Variants in SCLT1 observed in about 807,000 individuals in gnomAD.
SCLT1 encodes sodium channel-associated protein 1.
In SCLT1, 78 loss-of-function variants were observed where a neutral mutation model predicts 112.8. That is an observed-to-expected ratio of 0.69 (90% CI 0.58 to 0.83). The LOEUF is 0.83. SCLT1 is among the 40% of genes least tolerant of loss of function. The pLI is 0.00. For missense variants in SCLT1, 747 were observed against 770.4 expected (o/e 0.97, Z 0.36); for synonymous variants, 257 against 254.7 (o/e 1.01, Z -0.09).
intron 2 of SCLT1, among the ~76,000 whole-genome samples, chr4:129,081,856 C>A (rs922484879): frequency 3.9e-5 from 6 of 152,186 alleles, no homozygotes; most frequent in Admixed American, 1.3e-4. Flanking sequence ...TTCTGTAATG[C>A]AAGGTCCACC....
intron 9 of SCLT1, among the ~76,000 whole-genome samples, chr4:128,982,602 A>C (rs1264351592): frequency 6.6e-6 from 1 of 151,888 alleles, no homozygotes; most frequent in Non-Finnish European, 1.5e-5. Flanking sequence ...CCTGGGTTCA[A>C]GCAATTCTCC....
chr4:128,880,634 C>T (rs1436830478), downstream of SCLT1, among the ~76,000 whole-genome samples: 2 of 152,138 alleles, frequency 1.3e-5, no homozygotes, highest in Non-Finnish European at 2.9e-5. Flanking sequence ...CAATATCTGT[C>T]CAACAGTGTG....
At chr4:128,904,829 G>A (rs1734571315) in intron 18 of SCLT1, among the ~76,000 whole-genome samples, 1 of 152,110 alleles carries the variant, frequency 6.6e-6, no homozygotes, top group Non-Finnish European at 1.5e-5. Context: ...AGACCTGACT[G>A]CTAAAAAAGA....
chr4:128,972,068 A>G (rs1459186713), intron 9 of SCLT1: 3 of 152,078 alleles, frequency 2.0e-5, no homozygotes, highest in Non-Finnish European at 4.4e-5. Context: ...TTCATTTGCA[A>G]AATGATTCCC....
downstream of SCLT1, among the ~76,000 whole-genome samples, chr4:128,881,364 A>C (rs1203840045): frequency 6.6e-6 from 1 of 152,108 alleles, no homozygotes; most frequent in Non-Finnish European, 1.5e-5. Flanking sequence ...GTGTTTTTTC[A>C]CTCTTTCTTG....
chr4:129,065,944 T>A (rs945014723), intron 2 of SCLT1, among the ~76,000 whole-genome samples: 1 of 151,914 alleles, frequency 6.6e-6, no homozygotes, highest in Non-Finnish European at 1.5e-5. Flanking sequence ...TATGCATATA[T>A]GCAAACTTGA....
intron 11 of SCLT1, among the ~76,000 whole-genome samples, chr4:128,964,201 G>T (rs114844907): frequency 6.6e-6 from 1 of 152,190 alleles, no homozygotes; most frequent in East Asian, 1.9e-4. Context: ...AGGGACATTT[G>T]GTAGTTACAA....
intron 5 of SCLT1, among the ~76,000 whole-genome samples, chr4:129,034,770 T>C (rs1445325952): frequency 6.6e-6 from 1 of 150,996 alleles, no homozygotes; most frequent in Non-Finnish European, 1.5e-5. Context: ...CCATTCAATC[T>C]CTGTCACGAC....
intron 5 of SCLT1, among the ~76,000 whole-genome samples, chr4:129,006,137 G>A (rs1321468745): frequency 6.6e-6 from 1 of 151,658 alleles, no homozygotes; most frequent in Non-Finnish European, 1.5e-5. Context: ...TGCACATTGT[G>A]CACATGTACC....
intron 5 of SCLT1, among the ~76,000 whole-genome samples, chr4:129,016,666 C>T (rs1323332037): frequency 2.0e-5 from 3 of 152,128 alleles, no homozygotes; most frequent in Non-Finnish European, 4.4e-5. Context: ...ATTGTTCTAG[C>T]TCTGTAAATT....
chr4:128,982,540 T>TGCCCA (rs1174075439), intron 9 of SCLT1, among the ~76,000 whole-genome samples: 13 of 152,286 alleles, frequency 8.5e-5, no homozygotes, highest in African/African-American at 3.1e-4. Flanking sequence ...CTTGCTCTGT[T>TGCCCA]GCCCAGGCTG....
chr4:128,952,976 A>G, intron 13 of SCLT1, 136 bp from the exon 14 acceptor site: 2 of 605,996 alleles, frequency 3.3e-6, no homozygotes, highest in Admixed American at 2.9e-5. Flanking sequence ...TAAGCACATA[A>G]TATATTAAAG....
intron 9 of SCLT1, among the ~76,000 whole-genome samples, chr4:128,975,470 A>T (rs1741083911): frequency 6.6e-6 from 1 of 152,186 alleles, no homozygotes; most frequent in Non-Finnish European, 1.5e-5. Flanking sequence ...TTATCAATAC[A>T]CTTTTTTGAG....
At chr4:128,946,551 A>G (rs891811375) in intron 15 of SCLT1, among the ~76,000 whole-genome samples, 32 of 152,276 alleles carry the variant, frequency 2.1e-4, no homozygotes, top group African/African-American at 7.7e-4. Flanking sequence ...CAGTCTGGAT[A>G]ATCGGGCAAG....
At chr4:129,062,435 A>G (rs754105985) in intron 2 of SCLT1, among the ~76,000 whole-genome samples, 9 of 152,072 alleles carry the variant, frequency 5.9e-5, no homozygotes, top group Non-Finnish European at 1.3e-4. Flanking sequence ...TGATTTATAC[A>G]CCACCATTAC....
intron 8 of SCLT1, among the ~76,000 whole-genome samples, chr4:128,994,656 C>T (rs1742856283): frequency 6.6e-6 from 1 of 152,096 alleles, no homozygotes; most frequent in Non-Finnish European, 1.5e-5. Flanking sequence ...TCCAATTTTT[C>T]CACATCCTCT....
At chr4:129,068,364 T>C (rs1367686072) in intron 2 of SCLT1, among the ~76,000 whole-genome samples, 1 of 152,202 alleles carries the variant, frequency 6.6e-6, no homozygotes, top group Non-Finnish European at 1.5e-5. Context: ...CCCTGTTCAC[T>C]GCATCCACGC....
intron 1 of SCLT1, among the ~76,000 whole-genome samples, chr4:129,090,445 A>T (rs1411873842): frequency 6.6e-6 from 1 of 152,208 alleles, no homozygotes; most frequent in Non-Finnish European, 1.5e-5. Context: ...CCTTGTATAA[A>T]ATTTAACTGT....
At chr4:128,964,961 C>G (rs1353400042) in intron 11 of SCLT1, among the ~76,000 whole-genome samples, 1 of 152,074 alleles carries the variant, frequency 6.6e-6, no homozygotes, top group African/African-American at 2.4e-5. Context: ...TACAATTATT[C>G]TCATTCAAAA....
Sources: gnomAD v4.1 joint callset for allele counts (sites outside exome capture counted in the v4.1 genomes callset) on GRCh38, gnomAD v4.1.1 for gene constraint, MANE v1.5 for transcripts, NCBI Gene and HGNC (gene_info 2026-07-23, HGNC 2026-07-21) for gene names.